RASGRF2: variants seen among roughly 807,000 people sequenced by gnomAD.
RASGRF2 encodes the protein ras-specific guanine nucleotide-releasing factor 2.
RASGRF2 carries 76 observed loss-of-function variants against 151.0 expected under a neutral mutation model. The ratio of observed to expected loss-of-function variants is 0.50; its 90% CI spans 0.42 to 0.61. The LOEUF is 0.61. Among genes scored for constraint, RASGRF2 ranks in the 20% least tolerant of loss-of-function variants. The pLI is 0.00. For synonymous variants in RASGRF2, 504 were observed against 566.5 expected (o/e 0.89, Z 1.57); for missense variants, 1,148 against 1,564.6 (o/e 0.73, Z 4.49).
At chr5:81,112,484 C>T in intron 13 of RASGRF2, 126 bp from the exon 14 acceptor site, 1 of 1,261,864 alleles carries the variant, frequency 7.9e-7, no homozygotes, top group Non-Finnish European at 1.1e-6. Flanking sequence ...GTGCAATTAT[C>T]TCTCTCCTAT....
chr5:80,960,619 AG>A lies in RASGRF2; in HGVS notation c.-115del, dbSNP rs2112195045. 1 of 997,076 alleles carries A rather than the reference AG, an allele frequency of 1.0e-6. No individual in the cohort carries two copies. Among genetic ancestry groups the A allele is most frequent in the Non-Finnish European group, 1.3e-6 (1 of 774,568 alleles). The allele number at this position is 997,076 out of a possible 1,614,324, so 61.8% of individuals were successfully genotyped here. A position where few individuals can be genotyped will look rare whatever the true frequency, so the allele number is the denominator to read the frequency against. On this transcript the variant is annotated 5_prime_UTR_variant, in exon 1 of 27. Coordinates refer to ENST00000265080, the MANE Select transcript of RASGRF2 (RefSeq NM_006909.3). This position sits in a 1 kb window ranked among gnomAD's most constrained non-coding sequence, Gnocchi z 5.5. ...GGTGCCCTGCGCGCGGCGTGGGGAA[AG>A]GGGGCGCCCTTCGCCGGCCGGGACC...
chr5:81,224,222 A>G (rs1219464936), intron 26 of RASGRF2, among the ~76,000 whole-genome samples: 2 of 152,238 alleles, frequency 1.3e-5, no homozygotes, highest in East Asian at 1.9e-4. Flanking sequence ...TTCACTAGTA[A>G]AAAGAGAAAA....
At chr5:81,059,947 C>G (rs1385085510) in intron 2 of RASGRF2, among the ~76,000 whole-genome samples, 1 of 152,214 alleles carries the variant, frequency 6.6e-6, no homozygotes, top group African/African-American at 2.4e-5. Context: ...AAGCATGGCA[C>G]TGGCATCTGC....
At chr5:81,121,094 T>TTGTG (rs145805696) in intron 15 of RASGRF2, among the ~76,000 whole-genome samples, 345 of 151,320 alleles carry the variant, frequency 2.3e-3, no homozygotes, top group African/African-American at 8.1e-3. Context: ...AGTCTGAAAG[T>TTGTG]TGTGTGTGTG....
chr5:81,023,409 T>C (rs905332086), intron 1 of RASGRF2, among the ~76,000 whole-genome samples: 2 of 152,208 alleles, frequency 1.3e-5, no homozygotes, highest in African/African-American at 4.8e-5. Flanking sequence ...CCAGGGTGTC[T>C]GCTGCTATTT....
intron 17 of RASGRF2, among the ~76,000 whole-genome samples, chr5:81,128,471 C>T (rs567446492): frequency 2.6e-5 from 4 of 152,334 alleles, no homozygotes; most frequent in East Asian, 3.9e-4. Context: ...CTGTGGGTTA[C>T]AGCTCTGAGA....
chr5:81,108,142 AC>A (rs1416252172), intron 12 of RASGRF2, among the ~76,000 whole-genome samples: 4 of 152,336 alleles, frequency 2.6e-5, no homozygotes, highest in African/African-American at 9.6e-5. Context: ...GCCACAAAAC[AC>A]TATATAGTAT....
At chr5:81,154,852 A>C (rs1328928699) in intron 17 of RASGRF2, among the ~76,000 whole-genome samples, 1 of 152,136 alleles carries the variant, frequency 6.6e-6, no homozygotes, top group Non-Finnish European at 1.5e-5. Flanking sequence ...ATTTTGAGAA[A>C]CCTCCACACT....
chr5:81,092,757 CAG>C, intron 9 of RASGRF2, 42 bp from the exon 10 acceptor site: 1 of 1,564,510 alleles, frequency 6.4e-7, no homozygotes, highest in East Asian at 2.2e-5. Flanking sequence ...CCTCACTTGA[CAG>C]AATTTTAATT....
chr5:81,081,768 T>C (rs923423128), intron 7 of RASGRF2, among the ~76,000 whole-genome samples: 5 of 152,250 alleles, frequency 3.3e-5, no homozygotes, highest in Non-Finnish European at 5.9e-5. Context: ...TTGTCAGTCC[T>C]GCTCGAAATC....
At chr5:80,983,963 G>A (rs940498150) in intron 1 of RASGRF2, among the ~76,000 whole-genome samples, 1 of 152,120 alleles carries the variant, frequency 6.6e-6, no homozygotes, top group Non-Finnish European at 1.5e-5. Flanking sequence ...TATTTCTGTT[G>A]TCCAGTGCTG....
intron 1 of RASGRF2, among the ~76,000 whole-genome samples, chr5:81,041,006 A>G (rs1224559065): frequency 6.6e-6 from 1 of 152,174 alleles, no homozygotes; most frequent in African/African-American, 2.4e-5. Context: ...ATTACGACTT[A>G]AAAATGTCTG....
chr5:81,071,395 T>C (rs949005847), intron 4 of RASGRF2, among the ~76,000 whole-genome samples: 11 of 152,346 alleles, frequency 7.2e-5, no homozygotes, highest in African/African-American at 2.4e-4. Flanking sequence ...TGTTTGTTGA[T>C]TGGCTAAAAC....
rs143973163 is a variant in RASGRF2, at chr5:80,963,373, A to G, written c.288+2347A>G. ...AAGGTTAGGGCTTGAAACAGGACTT[A>G]GTGAGGCAGAGTCATTTTTCTTCAC... On this transcript the variant is annotated intron_variant, in intron 1 of 26. Coordinates refer to ENST00000265080, the MANE Select transcript of RASGRF2 (RefSeq NM_006909.3). Among the ~76,000 whole-genome samples the G allele has an allele frequency of 3.2e-3, 488 of 152,302 alleles. 3 individuals carry two copies. The highest frequency in any genetic ancestry group is 0.011 in the African/African-American group (473 of 41,568).
intron 1 of RASGRF2, among the ~76,000 whole-genome samples, chr5:80,982,414 C>G (rs567533681): frequency 3.1e-4 from 46 of 148,136 alleles, no homozygotes; most frequent in Non-Finnish European, 1.5e-4. Flanking sequence ...TGAAATCACC[C>G]TTGATGAAAG....
intron 18 of RASGRF2, among the ~76,000 whole-genome samples, chr5:81,180,591 C>T (rs1446575323): frequency 2.6e-5 from 4 of 152,108 alleles, no homozygotes; most frequent in Non-Finnish European, 4.4e-5. Context: ...TGTGCTGTGC[C>T]ACCTACCCTG....
At chr5:80,995,255 CAAAA>C (rs11369891) in intron 1 of RASGRF2, among the ~76,000 whole-genome samples, 1 of 118,120 alleles carries the variant, frequency 8.5e-6, no homozygotes. Context: ...GACTCCGTCT[CAAAA>C]AAAAAAAAAA....
intron 1 of RASGRF2, among the ~76,000 whole-genome samples, chr5:81,041,174 T>G (rs1554088435): frequency 6.6e-6 from 1 of 151,910 alleles, no homozygotes; most frequent in Non-Finnish European, 1.5e-5. Context: ...TGGTGGCACA[T>G]GCCTGTAATC....
intron 17 of RASGRF2, among the ~76,000 whole-genome samples, chr5:81,139,076 C>T (rs187264479): frequency 6.6e-6 from 1 of 152,206 alleles, no homozygotes. Context: ...CTTCTCTCAG[C>T]GATATTTTAT....
Sources: gnomAD v4.1 joint callset for allele counts (sites outside exome capture counted in the v4.1 genomes callset) on GRCh38, gnomAD v4.1.1 for gene constraint, Gnocchi (gnomAD v3.1) non-coding constraint, MANE v1.5 for transcripts, NCBI Gene and HGNC (gene_info 2026-07-23, HGNC 2026-07-21) for gene names.